ASIC2: variants seen among roughly 807,000 people sequenced by gnomAD.
ASIC2 encodes the protein acid sensing ion channel subunit 2.
Under a neutral mutation model 57.3 loss-of-function variants are expected in ASIC2, and 25 were observed. That is an observed-to-expected ratio of 0.44 (90% confidence interval 0.32 to 0.61). The LOEUF (loss-of-function observed/expected upper bound fraction) is 0.61, where lower values mean the gene tolerates loss of function less well. Ranked by LOEUF, ASIC2 falls within the 20% of genes least tolerant of loss-of-function variation. The pLI, the probability that ASIC2 is intolerant of heterozygous loss-of-function variation, is 0.06. For missense variants in ASIC2, 641 were observed against 738.1 expected (o/e 0.87, Z 1.52); for synonymous variants, 319 against 307.5 (o/e 1.04, Z -0.39).
chr17:33,734,198 A>AG (rs1909838819), intron 1 of ASIC2, among the ~76,000 whole-genome samples: 1 of 151,836 alleles, frequency 6.6e-6, no homozygotes, highest in Non-Finnish European at 1.5e-5. Flanking sequence ...CTCCCGTGTG[A>AG]GGCCAGCCCT....
intron 1 of ASIC2, among the ~76,000 whole-genome samples, chr17:33,830,197 T>A (rs968546880): frequency 2.6e-5 from 4 of 152,156 alleles, no homozygotes; most frequent in African/African-American, 9.7e-5. Context: ...TACAGCACAA[T>A]GGTTTGTCCA....
chr17:33,994,357 G>A (rs1172768864), intron 1 of ASIC2, among the ~76,000 whole-genome samples: 1 of 152,186 alleles, frequency 6.6e-6, no homozygotes, highest in Non-Finnish European at 1.5e-5. Context: ...GATGCATGGT[G>A]CCATGAGGAA....
intron 1 of ASIC2, among the ~76,000 whole-genome samples, chr17:34,030,920 G>A (rs1258041450): frequency 6.6e-6 from 1 of 152,250 alleles, no homozygotes; most frequent in Non-Finnish European, 1.5e-5. Flanking sequence ...GCCTCTGTAG[G>A]CTCCACCTCT....
chr17:33,552,106 A>C (rs1223419877), intron 1 of ASIC2, among the ~76,000 whole-genome samples: 2 of 152,200 alleles, frequency 1.3e-5, no homozygotes, highest in East Asian at 3.9e-4. Flanking sequence ...GCCTCGCTTC[A>C]AGTGCTGTTT....
chr17:33,570,465 G>A (rs934743400), intron 1 of ASIC2, among the ~76,000 whole-genome samples: 1 of 152,200 alleles, frequency 6.6e-6, no homozygotes, highest in Admixed American at 6.5e-5. Context: ...CTAGAAGCCT[G>A]TTTGGCTTTA....
chr17:33,212,014 G>T (rs543035959), intron 1 of ASIC2, among the ~76,000 whole-genome samples: 3 of 152,164 alleles, frequency 2.0e-5, no homozygotes, highest in Non-Finnish European at 2.9e-5. Context: ...GGAGTCTCAG[G>T]AAGGGCAGAA....
intron 1 of ASIC2, among the ~76,000 whole-genome samples, chr17:34,023,457 G>C (rs1166896734): frequency 1.3e-5 from 2 of 151,958 alleles, no homozygotes; most frequent in Non-Finnish European, 2.9e-5. Context: ...TGATCTGGCA[G>C]ACTTTGCTAT....
In ASIC2 at chr17:33,633,772, C is replaced by T. The variant is rs531609284; in HGVS notation, c.556-521705G>A. Among the ~76,000 whole-genome samples the T allele has an allele frequency of 5.9e-5, 9 of 152,282 alleles. No homozygotes were observed. The South Asian group carries it at 6.2e-4, about 11-fold the overall frequency. On this transcript the variant is annotated intron_variant, in intron 1 of 9. Coordinates refer to the ASIC2 transcript ENST00000359872. ...GTCCTATTCTAAGGCAGGAAAGGGT[C>T]GGTGGCAGTTCCAGCCTTATCCTCA...
At chr17:33,331,321 C>G (rs925450552) in intron 1 of ASIC2, among the ~76,000 whole-genome samples, 1 of 152,162 alleles carries the variant, frequency 6.6e-6, no homozygotes, top group Admixed American at 6.5e-5. Context: ...AAAGTAGACG[C>G]TATTACTAAC....
chr17:33,041,873 C>A (rs2091931148), intron 3 of ASIC2, among the ~76,000 whole-genome samples: 1 of 152,148 alleles, frequency 6.6e-6, no homozygotes, highest in Non-Finnish European at 1.5e-5. Context: ...CTGTAAGGGG[C>A]ACTATACTCC....
chr17:33,371,709 A>G (rs1044390852), intron 1 of ASIC2, among the ~76,000 whole-genome samples: 2 of 151,632 alleles, frequency 1.3e-5, no homozygotes, highest in Non-Finnish European at 2.9e-5. Context: ...TTTTTTTTTA[A>G]CAGGGAGAGG....
intron 1 of ASIC2, among the ~76,000 whole-genome samples, chr17:33,230,710 A>C (rs1457035105): frequency 4.6e-5 from 7 of 151,962 alleles, no homozygotes; most frequent in Non-Finnish European, 8.8e-5. Flanking sequence ...GGGGGTAAGA[A>C]GGGGGGTAAG....
At chr17:33,916,984 G>A (rs553798840) in intron 1 of ASIC2, among the ~76,000 whole-genome samples, 3 of 152,252 alleles carry the variant, frequency 2.0e-5, no homozygotes, top group Non-Finnish European at 2.9e-5. Flanking sequence ...GGTGGTGTGG[G>A]TGGTCCTGAA....
chr17:33,491,848 T>A (rs1381089755), intron 1 of ASIC2, among the ~76,000 whole-genome samples: 2 of 152,210 alleles, frequency 1.3e-5, no homozygotes, highest in Non-Finnish European at 2.9e-5. Context: ...GGAGTCAGTA[T>A]TTAGGGAGTT....
chr17:33,906,723 C>T (rs932135522), intron 1 of ASIC2, among the ~76,000 whole-genome samples: 2 of 152,222 alleles, frequency 1.3e-5, no homozygotes, highest in African/African-American at 4.8e-5. Flanking sequence ...GGACTCTCTA[C>T]ATTTCTCTAG....
chr17:33,038,649 G>A (rs2091918718), intron 3 of ASIC2, among the ~76,000 whole-genome samples: 1 of 152,216 alleles, frequency 6.6e-6, no homozygotes, highest in African/African-American at 2.4e-5. Context: ...TATGAACAGA[G>A]CAAGGAATGC....
chr17:34,107,438 G>A (rs181963359), intron 1 of ASIC2, among the ~76,000 whole-genome samples: 1 of 152,294 alleles, frequency 6.6e-6, no homozygotes, highest in East Asian at 1.9e-4. Context: ...AAGCCTGGGA[G>A]GTGGAGGCTG....
rs533233562 is a variant in ASIC2 at position 33,845,314 on chromosome 17, C to T, written c.555+310664G>A. On this transcript the variant is annotated intron_variant, in intron 1 of 9. Coordinates refer to the ASIC2 transcript ENST00000359872. ...CGTACCTCCAAATTTATCATGTATG[C>T]CAAGGGAAAACTGATCAACTCTCCA... Among the ~76,000 whole-genome samples, 262 of 152,166 alleles carry T rather than the reference C, an allele frequency of 1.7e-3. 1 individual carries two copies. Among genetic ancestry groups the T allele is most frequent in the African/African-American group, 4.8e-3 (198 of 41,496 alleles).
At chr17:33,277,408 G>T (rs900718095) in intron 1 of ASIC2, among the ~76,000 whole-genome samples, 1 of 152,200 alleles carries the variant, frequency 6.6e-6, no homozygotes, top group African/African-American at 2.4e-5. Context: ...TCTTCTCTGG[G>T]CCTTAGCTGC....
Sources: allele counts gnomAD v4.1 joint callset (sites outside exome capture counted in the v4.1 genomes callset), GRCh38; gene constraint gnomAD v4.1.1; transcripts MANE v1.5; gene names NCBI Gene and HGNC (gene_info 2026-07-23, HGNC 2026-07-21).